Variants in SOX5 observed in about 807,000 individuals in gnomAD.
SOX5 encodes SRY-box transcription factor 5, also known as transcription factor SOX-5.
Under a neutral mutation model 92.0 loss-of-function variants are expected in SOX5, and 9 were observed. The observed-to-expected ratio is 0.10, with a 90% confidence interval of 0.06 to 0.17. The LOEUF (loss-of-function observed/expected upper bound fraction) is 0.17, where lower values mean the gene tolerates loss of function less well. Ranked by LOEUF, SOX5 falls within the 10% of genes least tolerant of loss-of-function variation. The pLI is 1.00. For missense variants in SOX5, 642 were observed against 944.5 expected, an observed-to-expected ratio of 0.68 and a Z score of 4.20; for synonymous variants, 344 against 336.3, an observed-to-expected ratio of 1.02 and a Z score of -0.25.
At chr12:24,109,864 C>CA (rs1441315804) in intron 4 of SOX5, among the ~76,000 whole-genome samples, 1 of 151,930 alleles carries the variant, frequency 6.6e-6, no homozygotes, top group Non-Finnish European at 1.5e-5. Flanking sequence ...TCCTAGTTTC[C>CA]AAAAAATAAA....
intron 2 of SOX5, among the ~76,000 whole-genome samples, chr12:24,340,781 C>T (rs1001810930): frequency 2.0e-5 from 3 of 152,152 alleles, no homozygotes; most frequent in African/African-American, 7.2e-5. Flanking sequence ...AAGAGCACAC[C>T]TTTTAATACA....
intron 3 of SOX5, among the ~76,000 whole-genome samples, chr12:24,230,262 C>A (rs1963088571): frequency 6.6e-6 from 1 of 152,166 alleles, no homozygotes; most frequent in African/African-American, 2.4e-5. Flanking sequence ...TAAAGACTTC[C>A]CGTCATTAGC....
chr12:24,044,814 G>A lies in SOX5; in HGVS notation c.-1-148790C>T, dbSNP rs74879742. ...TGCCTGACATGTAGCAAGCACTCAA[G>A]AATACATATTTGTTAAAGCAACAAA... On this transcript the variant is annotated intron_variant, in intron 4 of 4. Transcript: ENST00000446891. 4.3e-3 allele frequency among the ~76,000 whole-genome samples: 660 copies of A among 152,240 alleles called. 3 individuals are homozygous for A. The highest frequency in any genetic ancestry group is 0.01 in the Middle Eastern group (3 of 294).
intron 1 of SOX5, among the ~76,000 whole-genome samples, chr12:24,518,444 C>T (rs954393662): frequency 2.0e-5 from 3 of 152,032 alleles, no homozygotes; most frequent in Non-Finnish European, 4.4e-5. Flanking sequence ...GTTACTTAAT[C>T]AGAAAATGTT....
chr12:23,876,712 C>T (rs1321969625), intron 2 of SOX5, among the ~76,000 whole-genome samples: 3 of 152,142 alleles, frequency 2.0e-5, no homozygotes, highest in Non-Finnish European at 4.4e-5. Flanking sequence ...TATTGCAGCA[C>T]TATTCACAAT....
chr12:23,600,556 C>T (rs74071304), intron 9 of SOX5, among the ~76,000 whole-genome samples: 17,320 of 44,914 alleles, frequency 0.39, 2,523 homozygotes, highest in Middle Eastern at 0.49. Context: ...TATATATACA[C>T]ATACTTGGCT....
intron 13 of SOX5, among the ~76,000 whole-genome samples, chr12:23,538,957 C>T (rs1285887727): frequency 6.6e-6 from 1 of 151,700 alleles, no homozygotes; most frequent in African/African-American, 2.4e-5. Flanking sequence ...CCCGCCACCA[C>T]GCCCGGCTAG....
chr12:23,713,981 A>G (rs893365563), intron 6 of SOX5, among the ~76,000 whole-genome samples: 5 of 151,036 alleles, frequency 3.3e-5, no homozygotes, highest in African/African-American at 4.8e-5. Context: ...AATCCCAGCT[A>G]CTCGCAAAGC....
At chr12:23,808,536 T>C (rs1448263625) in intron 3 of SOX5, among the ~76,000 whole-genome samples, 2 of 152,188 alleles carry the variant, frequency 1.3e-5, no homozygotes, top group Admixed American at 6.5e-5. Context: ...TTGTAACTTA[T>C]ATCCAATTTA....
At chr12:24,364,545 C>G (rs868662872) in intron 2 of SOX5, among the ~76,000 whole-genome samples, 6 of 80,726 alleles carry the variant, frequency 7.4e-5, no homozygotes, top group African/African-American at 1.8e-4. Flanking sequence ...TATATATATA[C>G]ACGAATAAAT....
chr12:23,693,856 C>T (rs919400682), intron 6 of SOX5, among the ~76,000 whole-genome samples: 19 of 152,210 alleles, frequency 1.2e-4, no homozygotes, highest in African/African-American at 4.1e-4. Flanking sequence ...ATTATTAAAA[C>T]GTTTTTAATT....
At chr12:23,565,536 T>A (rs1946921266) in intron 10 of SOX5, among the ~76,000 whole-genome samples, 1 of 152,202 alleles carries the variant, frequency 6.6e-6, no homozygotes, top group Non-Finnish European at 1.5e-5. Context: ...ATGAATTCTT[T>A]ATGCTTTTTA....
At chr12:23,827,183 T>A (rs1030209398) in intron 3 of SOX5, among the ~76,000 whole-genome samples, 1 of 152,232 alleles carries the variant, frequency 6.6e-6, no homozygotes, top group African/African-American at 2.4e-5. Flanking sequence ...CATCTCGTTA[T>A]CTGCTTCTAA....
chr12:24,021,395 C>T (rs1413785006), intron 4 of SOX5, among the ~76,000 whole-genome samples: 2 of 152,064 alleles, frequency 1.3e-5, no homozygotes, highest in Admixed American at 1.3e-4. Flanking sequence ...TGAGAATGGC[C>T]GACTCTGATT....
chr12:24,551,237 A>G (rs1041149719), intron 1 of SOX5, among the ~76,000 whole-genome samples: 2 of 152,210 alleles, frequency 1.3e-5, no homozygotes, highest in Admixed American at 1.3e-4. Flanking sequence ...TTATTCACCA[A>G]ATACTTATTA....
intron 3 of SOX5, among the ~76,000 whole-genome samples, chr12:24,257,386 T>C (rs1454360891): frequency 6.6e-6 from 1 of 152,212 alleles, no homozygotes; most frequent in African/African-American, 2.4e-5. Flanking sequence ...ATGCACAAAA[T>C]TGTTCCAGGT....
chr12:24,253,389 A>G (rs903469695), intron 3 of SOX5, among the ~76,000 whole-genome samples: 5 of 151,992 alleles, frequency 3.3e-5, no homozygotes. Flanking sequence ...GATCTTATCT[A>G]GAAAATGAAG....
At chr12:23,853,820 C>T (rs1016440226) in intron 2 of SOX5, among the ~76,000 whole-genome samples, 5 of 152,056 alleles carry the variant, frequency 3.3e-5, no homozygotes, top group African/African-American at 4.8e-5. Context: ...TATGTTTAAA[C>T]ATCTAGCAAA....
At chr12:23,918,864 C>A (rs2097448576) in intron 1 of SOX5, among the ~76,000 whole-genome samples, 1 of 151,666 alleles carries the variant, frequency 6.6e-6, no homozygotes. Context: ...TTGCAGTGAG[C>A]CAAGATCGTG....
Sources: gnomAD v4.1 joint callset for allele counts (sites outside exome capture counted in the v4.1 genomes callset) on GRCh38, gnomAD v4.1.1 for gene constraint, MANE v1.5 for transcripts, NCBI Gene and HGNC (gene_info 2026-07-23, HGNC 2026-07-21) for gene names.